BICRAL: variants seen among roughly 807,000 people sequenced by gnomAD.
BICRAL encodes the protein BICRA like chromatin remodeling complex associated protein.
In BICRAL, 8 loss-of-function variants were observed where a neutral mutation model predicts 91.8. The ratio of observed to expected loss-of-function variants is 0.09; its 90% confidence interval spans 0.05 to 0.16. The LOEUF is 0.16. BICRAL is among the 10% of genes least tolerant of loss of function. The probability of loss-of-function intolerance (pLI) is 1.00; values close to 1 mark genes in which losing one functional copy is unlikely to be tolerated. For missense variants in BICRAL, 1,038 were observed against 1,310.9 expected (o/e 0.79, Z 3.21); for synonymous variants, 445 against 491.1 (o/e 0.91, Z 1.24).
Position 42,782,588 on chromosome 6 carries a change from A to C in BICRAL, c.-102+487A>C, listed in dbSNP as rs1179661014. On this transcript the variant is annotated intron_variant, in intron 1 of 12. Coordinates refer to ENST00000314073, the MANE Select transcript of BICRAL (RefSeq NM_001393499.1). ...TTTTTTTTCTTTTCCGCGGATGCAA[A>C]TTTCTGGAGCGGGGAGAGGGAGAGC... Among the ~76,000 whole-genome samples, 3 of 114,244 alleles carry C rather than the reference A, an allele frequency of 2.6e-5. No homozygotes were observed. In the East Asian group the frequency reaches 8.9e-4, roughly 34 times the overall value. 74.9% of individuals were successfully genotyped at this position (114,244 alleles called of 152,430 possible).
At chr6:42,837,183 G>A (rs1764666936) in intron 6 of BICRAL, among the ~76,000 whole-genome samples, 2 of 151,716 alleles carry the variant, frequency 1.3e-5, no homozygotes, top group Admixed American at 6.6e-5. Flanking sequence ...CTGACCTCAG[G>A]TGATCTGCCT....
At chr6:42,762,023 A>C (rs1250597317) in intron 1 of BICRAL, among the ~76,000 whole-genome samples, 1 of 152,206 alleles carries the variant, frequency 6.6e-6, no homozygotes, top group African/African-American at 2.4e-5. Context: ...GTAGCTCCTC[A>C]AAAATGCCAG....
chr6:42,845,535 T>C (rs1764980653), intron 6 of BICRAL, among the ~76,000 whole-genome samples: 1 of 151,982 alleles, frequency 6.6e-6, no homozygotes, highest in African/African-American at 2.4e-5. Flanking sequence ...GGAAGTATAG[T>C]GTAGCACCTT....
chr6:42,760,097 T>C (rs1025689440), intron 1 of BICRAL, among the ~76,000 whole-genome samples: 1 of 147,072 alleles, frequency 6.8e-6, no homozygotes, highest in Non-Finnish European at 1.5e-5. Context: ...ATGCAAAAAT[T>C]AGCCAGGCAT....
intron 2 of BICRAL, among the ~76,000 whole-genome samples, chr6:42,815,780 G>T (rs1188931531): frequency 2.0e-5 from 3 of 150,410 alleles, no homozygotes; most frequent in African/African-American, 7.3e-5. Flanking sequence ...CTGAGGTCAG[G>T]AGTTCGAGAC....
At chr6:42,841,604 G>T (rs1486870137) in intron 6 of BICRAL, among the ~76,000 whole-genome samples, 1 of 152,040 alleles carries the variant, frequency 6.6e-6, no homozygotes, top group Non-Finnish European at 1.5e-5. Flanking sequence ...TCAGACGTCT[G>T]GACTTAAAAA....
chr6:42,761,182 C>T (rs958464540), intron 1 of BICRAL, among the ~76,000 whole-genome samples: 3 of 151,878 alleles, frequency 2.0e-5, no homozygotes, highest in East Asian at 1.9e-4. Flanking sequence ...GATAGGGCAC[C>T]GGTGGCTCAC....
chr6:42,822,628 A>T (rs533632564), intron 3 of BICRAL, among the ~76,000 whole-genome samples, 168 bp from the exon 4 acceptor site: 1 of 151,804 alleles, frequency 6.6e-6, no homozygotes, highest in African/African-American at 2.4e-5. Context: ...CACAACATCA[A>T]AACAAAAACA....
Position 42,793,296 on chromosome 6 carries a change from ATTTTTTTTTTTTTTTT to A in BICRAL, c.-102+11209_-102+11224del, listed in dbSNP as rs35332872. ...GTAGCTGGGATTACAGACCCAGCTA[ATTTTTTTTTTTTTTTT>A]TTTTTTTTTTTTTGTATTTTTAGTA... On this transcript the variant is annotated intron_variant, in intron 1 of 12. Transcript: ENST00000314073. Among the ~76,000 whole-genome samples the A allele has an allele frequency of 1.1e-3, 26 of 22,976 alleles. No homozygotes were observed. The East Asian group carries it at 0.014, about 13-fold the overall frequency. The allele number at this position is 22,976 out of a possible 152,430, so 15.1% of individuals were successfully genotyped here.
At position 42,828,761 on chromosome 6, in the gene BICRAL, C is replaced by T; in HGVS notation, c.428C>T (p.Pro143Leu). The change falls in exon 6 of 13, where the codon CCT becomes CTT. Residue 143 changes from proline to leucine, a missense_variant. Physicochemically the swap from Pro to Leu is moderately conservative, Grantham distance 98. Coordinates refer to ENST00000314073, the MANE Select transcript of BICRAL (RefSeq NM_001393499.1). ...CAGTTTGCACAAGCTCAGCTTCATC[C>T]TTCTTCATCAGCATCCTTTACTCAG... ...SQQFAQAQLH[P>L]SSSASFTQAS... 1 of 1,614,222 alleles carries T rather than the reference C, an allele frequency of 6.2e-7. No homozygotes were observed. The highest frequency in any genetic ancestry group is 8.5e-7 in the Non-Finnish European group (1 of 1,180,020).
At chr6:42,777,885 A>G (rs1467012053), upstream of BICRAL, among the ~76,000 whole-genome samples, 3 of 152,300 alleles carry the variant, frequency 2.0e-5, no homozygotes, top group Middle Eastern at 3.4e-3. Flanking sequence ...AGAGAATACA[A>G]TTAAAGCTAT....
At chr6:42,757,055 C>T (rs1762473383) in intron 1 of BICRAL, among the ~76,000 whole-genome samples, 1 of 151,660 alleles carries the variant, frequency 6.6e-6, no homozygotes, top group African/African-American at 2.4e-5. Flanking sequence ...GTGGCTTTGG[C>T]TGGAATTGGT....
At chr6:42,813,959 C>A (rs1763907735) in intron 2 of BICRAL, among the ~76,000 whole-genome samples, 1 of 152,048 alleles carries the variant, frequency 6.6e-6, no homozygotes, top group Non-Finnish European at 1.5e-5. Flanking sequence ...GAATGAAGAA[C>A]ACTAGAAGTA....
At chr6:42,772,837 G>C (rs1010371513) in intron 1 of BICRAL, among the ~76,000 whole-genome samples, 5 of 152,170 alleles carry the variant, frequency 3.3e-5, no homozygotes, top group Admixed American at 2.6e-4. Flanking sequence ...GATGGTATTC[G>C]AGGGAGATTT....
rs955737070 is a variant in BICRAL, at chr6:42,790,364, A to G, written c.-102+8263A>G. On this transcript the variant is annotated intron_variant, in intron 1 of 12. Coordinates refer to ENST00000314073, the MANE Select transcript of BICRAL (RefSeq NM_001393499.1). ...TTTTTTTTTTTTTTTTTGTAGAGAC[A>G]GGGGTTTCTCTTTGTCACCCAGGCT... is the stretch of plus-strand genomic sequence containing the variant. Among the ~76,000 whole-genome samples the G allele has an allele frequency of 6.8e-5, 8 of 116,844 alleles. No homozygotes were observed. The South Asian group carries it at 1.9e-3, about 27-fold the overall frequency. 76.7% of individuals were successfully genotyped at this position (116,844 alleles called of 152,430 possible).
intron 1 of BICRAL, among the ~76,000 whole-genome samples, chr6:42,808,025 A>G (rs187624123): frequency 3.9e-5 from 6 of 152,098 alleles, no homozygotes; most frequent in Non-Finnish European, 1.5e-5. Flanking sequence ...TATATTTAAA[A>G]CCTGGGTATT....
intron 1 of BICRAL, among the ~76,000 whole-genome samples, chr6:42,793,498 A>G (rs1337138536): frequency 6.7e-5 from 10 of 150,256 alleles, no homozygotes; most frequent in Admixed American, 1.3e-4. Context: ...CCAGTTGGCT[A>G]GTCTGGTCTC....
At chr6:42,824,404 G>T (rs1470404538) in intron 5 of BICRAL, among the ~76,000 whole-genome samples, 2 of 152,092 alleles carry the variant, frequency 1.3e-5, no homozygotes, top group Admixed American at 6.5e-5. Flanking sequence ...GAGTGCAGTG[G>T]CACGATCTCG....
At chr6:42,756,416 G>C (rs960591573) in intron 1 of BICRAL, among the ~76,000 whole-genome samples, 11 of 151,798 alleles carry the variant, frequency 7.2e-5, no homozygotes, top group Non-Finnish European at 1.5e-4. Flanking sequence ...TTCTTTTCTT[G>C]TTCCTCTCAC....
Sources: allele counts gnomAD v4.1 joint callset (sites outside exome capture counted in the v4.1 genomes callset), GRCh38; gene constraint gnomAD v4.1.1; transcripts MANE v1.5; gene names NCBI Gene and HGNC (gene_info 2026-07-23, HGNC 2026-07-21).